Variants in RBM20 observed in about 807,000 individuals in gnomAD.
RBM20 encodes the protein RNA-binding protein 20.
In RBM20, 51 loss-of-function variants were observed where a neutral mutation model predicts 110.1. The ratio of observed to expected loss-of-function variants is 0.46; its 90% CI spans 0.37 to 0.59. The LOEUF is 0.59. Among genes scored for constraint, RBM20 ranks in the 20% least tolerant of loss-of-function variants. The probability of loss-of-function intolerance (pLI) is 0.00; values close to 1 mark genes in which losing one functional copy is unlikely to be tolerated. For missense variants in RBM20, 1,512 were observed against 1,574.9 expected, an observed-to-expected ratio of 0.96 and a Z score of 0.68; for synonymous variants, 589 against 618.2, an observed-to-expected ratio of 0.95 and a Z score of 0.70.
At position 110,727,422 on chromosome 10, in the gene RBM20, A is replaced by AAT. The variant is rs1491318197; in HGVS notation, c.192-53379_192-53378insAT. 6.4e-3 allele frequency among the ~76,000 whole-genome samples: 933 copies of AAT among 145,540 alleles called. 11 individuals are homozygous for AAT. Among genetic ancestry groups the AAT allele is most frequent in the African/African-American group, 0.023 (877 of 38,798 alleles). ...CTCAAAAAATAAAAATAAAAAAAAA[A>AAT]TAAATAAAAAGTCCATCCTGTTCTC... On this transcript the variant is annotated intron_variant, in intron 1 of 13. Transcript: ENST00000369519.
intron 1 of RBM20, among the ~76,000 whole-genome samples, chr10:110,695,843 A>G (rs1284151388): frequency 6.6e-6 from 1 of 152,210 alleles, no homozygotes; most frequent in East Asian, 1.9e-4. Flanking sequence ...TACTAGTTCT[A>G]ATTATGTCTG....
intron 1 of RBM20, among the ~76,000 whole-genome samples, chr10:110,749,899 C>A (rs764788496): frequency 6.6e-6 from 1 of 152,008 alleles, no homozygotes; most frequent in Non-Finnish European, 1.5e-5. Flanking sequence ...CAGAAGCCAA[C>A]CCCGGGAGAA....
chr10:110,786,447 T>C (rs1052390654), intron 5 of RBM20, among the ~76,000 whole-genome samples: 1 of 152,234 alleles, frequency 6.6e-6, no homozygotes, highest in Non-Finnish European at 1.5e-5. Flanking sequence ...TGGTTCATGA[T>C]GAGACGTGAG....
chr10:110,664,210 T>C (rs1292275331), intron 1 of RBM20, among the ~76,000 whole-genome samples: 2 of 152,064 alleles, frequency 1.3e-5, no homozygotes, highest in African/African-American at 4.8e-5. Flanking sequence ...CTAAGAATCC[T>C]TAGAAAAATG....
At chr10:110,826,792 G>T (rs1388562747) in intron 12 of RBM20, among the ~76,000 whole-genome samples, 2 of 151,892 alleles carry the variant, frequency 1.3e-5, no homozygotes, top group African/African-American at 4.8e-5. Flanking sequence ...CACCATGTTG[G>T]CCTTGAACTG....
intron 1 of RBM20, among the ~76,000 whole-genome samples, chr10:110,779,086 C>A (rs1043484008): frequency 3.9e-5 from 6 of 152,174 alleles, no homozygotes; most frequent in Admixed American, 2.0e-4. Flanking sequence ...GCATAAAACT[C>A]CAAAAGTCTT....
rs1043106270 is a variant in RBM20 at position 110,821,454 on chromosome 10, A to G, written c.2835A>G (p.Thr945=). ...AGAAAGACAAAATTTGCCCAGAAAC[A>G]TGTCTGTGTGTGACAACCACCTTAG... ...IDQKDKICPE[T]CLCVTTTLDL... Residue 945 remains threonine (T), a synonymous_variant, in exon 11 of 14, where the codon ACA becomes ACG. Transcript: ENST00000369519. 1.9e-6 allele frequency: 3 copies of G among 1,551,676 alleles called. No homozygotes were observed. Among genetic ancestry groups the G allele is most frequent in the African/African-American group, 1.4e-5 (1 of 73,058 alleles).
rs780094392 is a variant in RBM20 at position 110,699,337 on chromosome 10, C to T, written c.191+54692C>T. On this transcript the variant is annotated intron_variant, in intron 1 of 13. Transcript: ENST00000369519. ...AGGCTGGAGTGCAGTGGTGCAATCTCGGCTCACTGCAATGTTTGCCTCCTC... is the reference window on the plus strand; with the variant it reads ...AGGCTGGAGTGCAGTGGTGCAATCTTGGCTCACTGCAATGTTTGCCTCCTC... Among the ~76,000 whole-genome samples the T allele has an allele frequency of 4.7e-5, 7 of 148,056 alleles. No homozygotes were observed. In the South Asian group the frequency reaches 1.3e-3, roughly 27 times the overall value.
chr10:110,763,308 C>A (rs894844546), intron 1 of RBM20, among the ~76,000 whole-genome samples: 4 of 152,008 alleles, frequency 2.6e-5, no homozygotes, highest in Admixed American at 6.6e-5. Flanking sequence ...CAAGCCCCAT[C>A]TCCTCCAAGG....
chr10:110,725,334 C>T (rs1435378438), intron 1 of RBM20, among the ~76,000 whole-genome samples: 1 of 152,164 alleles, frequency 6.6e-6, no homozygotes. Context: ...ATCCTGAAAC[C>T]CATCCATGGA....
At chr10:110,763,098 A>G (rs1844029037) in intron 1 of RBM20, among the ~76,000 whole-genome samples, 1 of 152,174 alleles carries the variant, frequency 6.6e-6, no homozygotes, top group Non-Finnish European at 1.5e-5. Flanking sequence ...AATTAGGAAG[A>G]AAAAGCCTTT....
At chr10:110,818,673 G>T (rs1844872902) in intron 9 of RBM20, among the ~76,000 whole-genome samples, 1 of 152,248 alleles carries the variant, frequency 6.6e-6, no homozygotes, top group Non-Finnish European at 1.5e-5. Flanking sequence ...AGCCCGGCTA[G>T]CAAGACTGTC....
At chr10:110,653,050 C>A (rs1861974344) in intron 1 of RBM20, among the ~76,000 whole-genome samples, 7 of 152,176 alleles carry the variant, frequency 4.6e-5, no homozygotes, top group Admixed American at 4.6e-4. Context: ...CAAGGTTACT[C>A]TTTTTCCCCA....
At chr10:110,685,051 G>A (rs1206390655) in intron 1 of RBM20, among the ~76,000 whole-genome samples, 2 of 152,322 alleles carry the variant, frequency 1.3e-5, no homozygotes, top group South Asian at 2.1e-4. Flanking sequence ...AGAGAGTGTT[G>A]TTTGCGCATT....
At chr10:110,778,022 C>A (rs774136681) in intron 1 of RBM20, among the ~76,000 whole-genome samples, 2 of 152,216 alleles carry the variant, frequency 1.3e-5, no homozygotes, top group African/African-American at 2.4e-5. Flanking sequence ...TCTTGACCAT[C>A]CATTCTCCTC....
Position 110,796,771 on chromosome 10 carries a change from A to G in RBM20, c.1528-737A>G, listed in dbSNP as rs1051248403. On this transcript the variant is annotated intron_variant, in intron 5 of 13. Transcript: ENST00000369519. The stretch of plus-strand genomic sequence containing the variant: ...CTGACTTCTTAAAAAAAATTATTCT[A>G]TATCAGCACATTTACCTCCTTCTTG... Among the ~76,000 whole-genome samples the G allele has an allele frequency of 9.9e-5, 15 of 152,134 alleles. 1 individual carries two copies. In the East Asian group the frequency reaches 2.9e-3, roughly 29 times the overall value.
chr10:110,709,644 G>A (rs534070177), intron 1 of RBM20, among the ~76,000 whole-genome samples: 5 of 150,272 alleles, frequency 3.3e-5, no homozygotes, highest in African/African-American at 1.2e-4. Flanking sequence ...GTAGCTCACT[G>A]CAGCCTTGAA....
intron 13 of RBM20, among the ~76,000 whole-genome samples, chr10:110,833,601 G>T (rs1845085913): frequency 6.6e-6 from 1 of 152,174 alleles, no homozygotes; most frequent in Non-Finnish European, 1.5e-5. Flanking sequence ...CACCTCGGAA[G>T]TTAGGAAGAG....
At chr10:110,695,887 G>A (rs1862655263) in intron 1 of RBM20, among the ~76,000 whole-genome samples, 1 of 152,206 alleles carries the variant, frequency 6.6e-6, no homozygotes, top group African/African-American at 2.4e-5. Context: ...CAGTACAAAT[G>A]TAATAAAAAT....
Sources: allele counts gnomAD v4.1 joint callset (sites outside exome capture counted in the v4.1 genomes callset), GRCh38; gene constraint gnomAD v4.1.1; transcripts MANE v1.5; gene names NCBI Gene and HGNC (gene_info 2026-07-23, HGNC 2026-07-21).